Variants in MYL3 observed in about 807,000 individuals in gnomAD.
MYL3 encodes CMLC1.
In MYL3, 11 loss-of-function variants were observed where a neutral mutation model predicts 21.3. That is an observed-to-expected ratio of 0.52 (90% CI 0.32 to 0.85). The LOEUF is 0.85. Ranked by LOEUF, MYL3 falls within the 40% of genes least tolerant of loss-of-function variation. The pLI is 0.03. For synonymous variants in MYL3, 88 were observed against 91.6 expected (o/e 0.96, Z 0.22); for missense variants, 206 against 253.3 (o/e 0.81, Z 1.27).
intron 1 of MYL3, among the ~76,000 whole-genome samples, chr3:46,863,025 A>C (rs1357027825): frequency 6.6e-6 from 1 of 152,140 alleles, no homozygotes; most frequent in Non-Finnish European, 1.5e-5. Flanking sequence ...CCCAGTCTAG[A>C]CTCCACCTTA....
rs201224325 is a variant in MYL3 at position 46,858,207 on chromosome 3, G to A, written c.*13+24C>T. The A allele has an allele frequency of 4.3e-6, 7 of 1,613,732 alleles. No homozygotes were observed. In the Admixed American group the frequency reaches 1.0e-4, roughly 23 times the overall value. Reference sequence around the variant, plus strand: ...GAGTGTGGGCAGGTGGCAGCAGCGGGTTCAGGAGGGAGTGGGTGCCTACCT... The same window carrying A: ...GAGTGTGGGCAGGTGGCAGCAGCGGATTCAGGAGGGAGTGGGTGCCTACCT... On this transcript the variant is annotated intron_variant, in intron 6 of 6. Transcript: ENST00000292327.
chr3:46,877,436 G>T (rs1302953579), intron 1 of MYL3, among the ~76,000 whole-genome samples: 1 of 152,206 alleles, frequency 6.6e-6, no homozygotes, highest in African/African-American at 2.4e-5. Flanking sequence ...GGGACACAGA[G>T]ACTAAGAGAG....
upstream of MYL3, among the ~76,000 whole-genome samples, chr3:46,866,057 C>T (rs1269846358): frequency 6.6e-6 from 1 of 151,040 alleles, no homozygotes. Flanking sequence ...CACACCGAGA[C>T]CAGGAGCAAG....
chr3:46,876,112 T>A (rs941971573), intron 1 of MYL3, among the ~76,000 whole-genome samples: 2 of 152,246 alleles, frequency 1.3e-5, no homozygotes, highest in African/African-American at 4.8e-5. Flanking sequence ...GCCTGGGCAC[T>A]TTACAGATCC....
chr3:46,874,074 A>G lies in MYL3; in HGVS notation c.-217-7474T>C, dbSNP rs1422860993. On this transcript the variant is annotated intron_variant, in intron 1 of 3. Transcript: ENST00000431168. The surrounding 1 kb of genome is among the most constrained non-coding windows in gnomAD (Gnocchi z 4.1). ...GGCACGGGTGTCGGAAGGCCTGGAG[A>G]CTTGCTCTGGATGAGCGGGGTGACC... is the stretch of plus-strand genomic sequence containing the variant. 6.6e-6 allele frequency among the ~76,000 whole-genome samples: 1 copy of G among 152,216 alleles called. No individual in the cohort carries two copies. The highest frequency in any genetic ancestry group is 1.5e-5 in the Non-Finnish European group (1 of 68,032).
At chr3:46,865,391 C>T (rs1702038382), upstream of MYL3, among the ~76,000 whole-genome samples, 1 of 152,174 alleles carries the variant, frequency 6.6e-6, no homozygotes, top group South Asian at 2.1e-4. The surrounding 1 kb of genome is among the most constrained non-coding windows in gnomAD (Gnocchi z 4.3). Context: ...GAGAAGACAG[C>T]CAGAGGGCCA....
chr3:46,858,249 T>C lies in MYL3; in HGVS notation c.583A>G (p.Ser195Gly). 6.2e-7 allele frequency: 1 copy of C among 1,614,116 alleles called. No individual in the cohort carries two copies. Among genetic ancestry groups the C allele is most frequent in the East Asian group, 2.2e-5 (1 of 44,868 alleles). The change falls in exon 6 of 7, where the codon AGC becomes GGC. Residue 195 changes from serine (S) to glycine (G), a missense_variant. Coordinates refer to ENST00000292327, the MANE Select transcript of MYL3 (RefSeq NM_000258.3). ...TGCCTACCTGGGCACGAGGTTTAGC[T>C]GGACATGATGTGCTTCACAAATGCT... ...YEAFVKHIMSS is the reference protein window; with the variant it reads ...YEAFVKHIMSG
At position 46,861,253 on chromosome 3, in the gene MYL3, G is replaced by A. The variant is rs899409586; in HGVS notation, c.130-266C>T. On this transcript the variant is annotated intron_variant, in intron 1 of 6. Coordinates refer to ENST00000292327, the MANE Select transcript of MYL3 (RefSeq NM_000258.3). The surrounding 1 kb of genome is among the most constrained non-coding windows in gnomAD (Gnocchi z 4.2). ...GGACCCTGGCAGGGGTAGCAGTGAG[G>A]AGGGAGGCCACATGCCCAAGGCCTC... 2.0e-5 allele frequency among the ~76,000 whole-genome samples: 3 copies of A among 152,228 alleles called. No homozygotes were observed. Among genetic ancestry groups the A allele is most frequent in the Non-Finnish European group, 4.4e-5 (3 of 68,032 alleles).
chr3:46,869,852 C>T (rs1026033033), intron 1 of MYL3, among the ~76,000 whole-genome samples: 5 of 152,112 alleles, frequency 3.3e-5, no homozygotes, highest in Non-Finnish European at 5.9e-5. Flanking sequence ...GTCAGTCAGA[C>T]GAGGAGTCTG....
In MYL3 at chr3:46,861,338, A is replaced by G. The variant is rs762624149; in HGVS notation, c.130-351T>C. Among the ~76,000 whole-genome samples the G allele has an allele frequency of 2.1e-4, 32 of 152,204 alleles. No individual in the cohort carries two copies. Among genetic ancestry groups the G allele is most frequent in the Admixed American group, 5.2e-4 (8 of 15,288 alleles). ...CTGGACAGATGTACCTTAAGCCACAAGCCCCAGTCAGGCTGGCTTTGCTTG... is the reference window on the plus strand; with the variant it reads ...CTGGACAGATGTACCTTAAGCCACAGGCCCCAGTCAGGCTGGCTTTGCTTG... On this transcript the variant is annotated intron_variant, in intron 1 of 6. Coordinates refer to ENST00000292327, the MANE Select transcript of MYL3 (RefSeq NM_000258.3). This position sits in a 1 kb window ranked among gnomAD's most constrained non-coding sequence, Gnocchi z 4.2.
rs750826728 is a variant in MYL3, at chr3:46,858,231, C to T, written c.*13G>A. 9 of 1,614,150 alleles carry T rather than the reference C, an allele frequency of 5.6e-6. No homozygotes were observed. The highest frequency in any genetic ancestry group is 7.6e-6 in the Non-Finnish European group (9 of 1,180,020). On this transcript the variant is annotated splice_region_variant and 3_prime_UTR_variant, in exon 6 of 7. Transcript: ENST00000292327. ...GGTTCAGGAGGGAGTGGGTGCCTAC[C>T]TGGGCACGAGGTTTAGCTGGACATG... is the stretch of plus-strand genomic sequence containing the variant.
chr3:46,863,118 C>CA, intron 1 of MYL3, 144 bp downstream of exon 1: 2 of 1,238,998 alleles, frequency 1.6e-6, no homozygotes, highest in South Asian at 2.4e-5. Flanking sequence ...CTGAAGCAGT[C>CA]AGGGCTTGTC....
intron 1 of MYL3, among the ~76,000 whole-genome samples, chr3:46,878,429 T>A (rs2030362896): frequency 6.6e-6 from 1 of 152,082 alleles, no homozygotes. Context: ...GGGCTAGAAA[T>A]CAGACTGGGA....
chr3:46,861,861 G>A lies in MYL3; in HGVS notation c.130-874C>T, dbSNP rs1257457013. ...GCGTCTCTCTCATGGCTGCTGCCAC[G>A]GAGCCCCACCAATCTCCACAGTGCA... On this transcript the variant is annotated intron_variant, in intron 1 of 6. Coordinates refer to ENST00000292327, the MANE Select transcript of MYL3 (RefSeq NM_000258.3). The surrounding 1 kb of genome is among the most constrained non-coding windows in gnomAD (Gnocchi z 4.2). Among the ~76,000 whole-genome samples the A allele has an allele frequency of 6.6e-6, 1 of 152,156 alleles. No individual in the cohort carries two copies. The highest frequency in any genetic ancestry group is 1.5e-5 in the Non-Finnish European group (1 of 68,030).
upstream of MYL3, among the ~76,000 whole-genome samples, chr3:46,865,524 T>C (rs17079270): frequency 0.012 from 1,768 of 152,248 alleles, 41 homozygotes; most frequent in African/African-American, 0.04. The surrounding 1 kb of genome is among the most constrained non-coding windows in gnomAD (Gnocchi z 4.3). Context: ...AATTTCCTTG[T>C]GTTCATCATG....
At chr3:46,869,719 T>C (rs1351509885) in intron 1 of MYL3, among the ~76,000 whole-genome samples, 1 of 152,210 alleles carries the variant, frequency 6.6e-6, no homozygotes. Flanking sequence ...TCTGTGTGCA[T>C]GTCTGTCTGC....
At chr3:46,863,674 G>A (rs1702015793), upstream of MYL3, among the ~76,000 whole-genome samples, 1 of 152,020 alleles carries the variant, frequency 6.6e-6, no homozygotes. Context: ...GGGGACAAAG[G>A]CCACTGCTTA....
intron 1 of MYL3, among the ~76,000 whole-genome samples, chr3:46,869,206 A>G (rs1466319577): frequency 6.6e-6 from 1 of 152,096 alleles, no homozygotes; most frequent in Non-Finnish European, 1.5e-5. Flanking sequence ...TCCCACCAGC[A>G]GCTTCCCAAA....
In MYL3 at chr3:46,860,659, T is replaced by C. The variant is rs1302011738; in HGVS notation, c.307+17A>G. ...CCCGGTACTAACACTATGGGGGCTCTCGGGCAGGTGCACTACCTTCCTGTC... is the reference window on the plus strand; with the variant it reads ...CCCGGTACTAACACTATGGGGGCTCCCGGGCAGGTGCACTACCTTCCTGTC... On this transcript the variant is annotated intron_variant, in intron 3 of 6. Coordinates refer to ENST00000292327, the MANE Select transcript of MYL3 (RefSeq NM_000258.3). This position sits in a 1 kb window ranked among gnomAD's most constrained non-coding sequence, Gnocchi z 4.6. The C allele has an allele frequency of 3.1e-6, 5 of 1,612,434 alleles. No individual in the cohort carries two copies. In the African/African-American group the frequency reaches 6.7e-5, roughly 22 times the overall value.
Sources: allele counts gnomAD v4.1 joint callset (sites outside exome capture counted in the v4.1 genomes callset), GRCh38; gene constraint gnomAD v4.1.1; non-coding constraint Gnocchi (gnomAD v3.1); transcripts MANE v1.5; gene names NCBI Gene and HGNC (gene_info 2026-07-23, HGNC 2026-07-21).